FSTL4: variants seen among roughly 807,000 people sequenced by gnomAD.
The protein encoded by FSTL4 is follistatin like 4.
FSTL4 carries 28 observed loss-of-function variants against 78.2 expected under a neutral mutation model. The ratio of observed to expected loss-of-function variants is 0.36; its 90% CI spans 0.27 to 0.49. The LOEUF (loss-of-function observed/expected upper bound fraction) is 0.49. FSTL4 is among the 20% of genes least tolerant of loss of function. The pLI is 0.98. For synonymous variants in FSTL4, 422 were observed against 440.5 expected, an observed-to-expected ratio of 0.96 and a Z score of 0.53; for missense variants, 922 against 1,084.9, an observed-to-expected ratio of 0.85 and a Z score of 2.11.
At chr5:133,281,499 C>G (rs1273822356) in intron 6 of FSTL4, among the ~76,000 whole-genome samples, 1 of 152,122 alleles carries the variant, frequency 6.6e-6, no homozygotes. Context: ...AAAACTGAGA[C>G]TCAGAGAGGT....
the FSTL4 span, among the ~76,000 whole-genome samples, chr5:133,837,056 C>A: frequency 6.6e-6 from 1 of 152,108 alleles, no homozygotes; most frequent in African/African-American, 2.4e-5. Context: ...CCTAAGACTC[C>A]AGTTACGCAT....
chr5:133,326,221 A>G lies in FSTL4; in HGVS notation c.410-9569T>C, dbSNP rs1754207853. Reference sequence around the variant, plus strand: ...CCATTTCTGGGAAAATTCAATTAACAATAAATGCCAAAACCAATGGGCTTA... The same window carrying G: ...CCATTTCTGGGAAAATTCAATTAACGATAAATGCCAAAACCAATGGGCTTA... On this transcript the variant is annotated intron_variant, in intron 4 of 15. Transcript: ENST00000265342. 5.3e-5 allele frequency among the ~76,000 whole-genome samples: 8 copies of G among 152,352 alleles called. No individual in the cohort carries two copies. The South Asian group carries it at 1.4e-3, about 28-fold the overall frequency.
chr5:133,828,460 T>C, the FSTL4 span, among the ~76,000 whole-genome samples: 7 of 152,196 alleles, frequency 4.6e-5, no homozygotes, highest in South Asian at 4.1e-4. Flanking sequence ...AAAAGTGCTA[T>C]TTTTTAAAAA....
At chr5:133,250,848 A>G (rs1347484517) in intron 6 of FSTL4, among the ~76,000 whole-genome samples, 1 of 152,248 alleles carries the variant, frequency 6.6e-6, no homozygotes, top group Non-Finnish European at 1.5e-5. Context: ...CACAAAGATG[A>G]ACAAGCTACG....
chr5:133,311,383 GC>G (rs1160755781), intron 6 of FSTL4, among the ~76,000 whole-genome samples: 2 of 152,068 alleles, frequency 1.3e-5, no homozygotes, highest in African/African-American at 4.8e-5. Context: ...AGTAAATCAA[GC>G]AAAGCTCTGG....
At chr5:133,578,909 A>G (rs1466165541) in intron 2 of FSTL4, among the ~76,000 whole-genome samples, 1 of 152,224 alleles carries the variant, frequency 6.6e-6, no homozygotes, top group Non-Finnish European at 1.5e-5. Context: ...AGACAACCCA[A>G]CAAATTAAAA....
intron 6 of FSTL4, among the ~76,000 whole-genome samples, chr5:133,308,056 A>G (rs1363602130): frequency 1.3e-5 from 2 of 152,190 alleles, no homozygotes; most frequent in Non-Finnish European, 2.9e-5. Flanking sequence ...CTGGGATTAC[A>G]GGCGTGAGCC....
chr5:133,505,666 T>C (rs542511823), intron 3 of FSTL4, among the ~76,000 whole-genome samples: 20 of 152,256 alleles, frequency 1.3e-4, no homozygotes, highest in Non-Finnish European at 2.5e-4. Flanking sequence ...GAATGAATTC[T>C]TTAAAAGAAG....
At chr5:133,308,126 T>C (rs1753696670) in intron 6 of FSTL4, among the ~76,000 whole-genome samples, 1 of 152,200 alleles carries the variant, frequency 6.6e-6, no homozygotes, top group Admixed American at 6.5e-5. Context: ...CAGCTTTAAC[T>C]GTTTTGTGCC....
At chr5:133,671,076 C>G in the FSTL4 span, among the ~76,000 whole-genome samples, 1 of 152,142 alleles carries the variant, frequency 6.6e-6, no homozygotes, top group Non-Finnish European at 1.5e-5. Context: ...TGGTTTCCTG[C>G]CTGCTCCATG....
chr5:133,450,588 C>G (rs1282729121), intron 3 of FSTL4, among the ~76,000 whole-genome samples: 1 of 152,212 alleles, frequency 6.6e-6, no homozygotes, highest in Non-Finnish European at 1.5e-5. Flanking sequence ...TGCAAGTGGA[C>G]GAGCTGGCAT....
chr5:133,505,417 C>T (rs993742149), intron 3 of FSTL4, among the ~76,000 whole-genome samples: 3 of 152,312 alleles, frequency 2.0e-5, no homozygotes, highest in Admixed American at 1.3e-4. Context: ...TCTGTGGCAG[C>T]AGCAGGTTTC....
At chr5:133,324,127 A>G (rs1408635066) in intron 4 of FSTL4, among the ~76,000 whole-genome samples, 1 of 152,218 alleles carries the variant, frequency 6.6e-6, no homozygotes, top group Non-Finnish European at 1.5e-5. Context: ...AGCAAGGGAG[A>G]CATTGTAAAT....
At chr5:133,696,138 T>C in the FSTL4 span, among the ~76,000 whole-genome samples, 3 of 152,240 alleles carry the variant, frequency 2.0e-5, no homozygotes, top group South Asian at 6.2e-4. Flanking sequence ...CCATGGCTGG[T>C]CCGTAGAAGC....
intron 3 of FSTL4, among the ~76,000 whole-genome samples, chr5:133,412,644 C>T (rs566176329): frequency 1.3e-5 from 2 of 152,142 alleles, no homozygotes; most frequent in South Asian, 2.1e-4. Context: ...AGAAAAAGAA[C>T]GGTGTCTTTC....
intron 7 of FSTL4, among the ~76,000 whole-genome samples, chr5:133,246,195 G>A (rs916499556): frequency 1.2e-4 from 19 of 152,302 alleles, no homozygotes; most frequent in South Asian, 1.0e-3. Context: ...GCCGGTGATC[G>A]TATTTCATCT....
At chr5:133,736,614 C>G in the FSTL4 span, among the ~76,000 whole-genome samples, 2 of 152,146 alleles carry the variant, frequency 1.3e-5, no homozygotes, top group Non-Finnish European at 2.9e-5. Context: ...ACAGTCCAGA[C>G]AAGAGACACC....
At chr5:133,337,651 T>C (rs1754494448) in intron 4 of FSTL4, among the ~76,000 whole-genome samples, 2 of 152,200 alleles carry the variant, frequency 1.3e-5, no homozygotes, top group Admixed American at 6.5e-5. Flanking sequence ...CAGCAATAAT[T>C]ACATTTGAAA....
chr5:133,243,920 C>G (rs1228271149), intron 7 of FSTL4: 1 of 152,272 alleles, frequency 6.6e-6, no homozygotes, highest in African/African-American at 2.4e-5. Flanking sequence ...ATTGTTGAGG[C>G]AGGATGTGCC....
Sources: gnomAD v4.1 joint callset for allele counts (sites outside exome capture counted in the v4.1 genomes callset) on GRCh38, gnomAD v4.1.1 for gene constraint, MANE v1.5 for transcripts, NCBI Gene and HGNC (gene_info 2026-07-23, HGNC 2026-07-21) for gene names.